The following VPS29 variants were observed in gnomAD, a reference collection of about 807,000 sequenced individuals.
VPS29 encodes the protein VPS29 retromer complex component.
In VPS29, 2 loss-of-function variants were observed where a neutral mutation model predicts 20.0. The ratio of observed to expected loss-of-function variants is 0.10; its 90% CI spans 0.04 to 0.31. The LOEUF is 0.31. Ranked by LOEUF, VPS29 falls within the 10% of genes least tolerant of loss-of-function variation. The pLI, the probability that VPS29 is intolerant of heterozygous loss-of-function variation, is 1.00. For synonymous variants in VPS29, 81 were observed against 79.3 expected (o/e 1.02, Z -0.12); for missense variants, 120 against 215.3 (o/e 0.56, Z 2.77).
At chr12:110,501,819 C>T (rs1386005836) in intron 1 of VPS29, 12 of 1,183,738 alleles carry the variant, frequency 1.0e-5, no homozygotes, top group Admixed American at 4.0e-5. Flanking sequence ...CCTTGGATGG[C>T]CTCTGGCCCC....
Position 110,497,285 on chromosome 12 carries a change from C to T in VPS29, c.4-1082G>A, listed in dbSNP as rs188221791. Among the ~76,000 whole-genome samples, 200 of 128,246 alleles carry T rather than the reference C, an allele frequency of 1.6e-3. 1 individual carries two copies. Among genetic ancestry groups the T allele is most frequent in the Middle Eastern group, 0.013 (2 of 160 alleles). 84.1% of individuals were successfully genotyped at this position (128,246 alleles called of 152,430 possible). On this transcript the variant is annotated intron_variant, in intron 1 of 3. Coordinates refer to ENST00000549578, the MANE Select transcript of VPS29 (RefSeq NM_016226.5). ...AGGCTGGAGTGCAGTGGTGCGATCTCGGCTCACTGCAACCTCCGCCTCCTG... is the reference window on the plus strand; with the variant it reads ...AGGCTGGAGTGCAGTGGTGCGATCTTGGCTCACTGCAACCTCCGCCTCCTG...
At chr12:110,495,802 A>G (rs1017383888) in intron 2 of VPS29, among the ~76,000 whole-genome samples, 4 of 152,150 alleles carry the variant, frequency 2.6e-5, no homozygotes, top group East Asian at 1.9e-4. Flanking sequence ...TTTAGTTAGA[A>G]TAAGTATTTA....
Position 110,496,974 on chromosome 12 carries a change from G to A in VPS29, c.4-771C>T, listed in dbSNP as rs1051499306. On this transcript the variant is annotated intron_variant, in intron 1 of 3. Transcript: ENST00000549578. The stretch of plus-strand genomic sequence containing the variant: ...ATATTTTTATGGTCTGGATTAAATT[G>A]CTCATATATCCTCGGTATAGTTCCC... The A allele has an allele frequency of 1.3e-5, 2 of 151,884 alleles. 1 individual carries two copies. Among genetic ancestry groups the A allele is most frequent in the African/African-American group, 4.8e-5 (2 of 41,422 alleles). 9.4% of individuals were successfully genotyped at this position (151,884 alleles called of 1,614,324 possible).
rs2062816519 is a variant in VPS29 at position 110,491,459 on chromosome 12, C to T, written c.*546G>A. On this transcript the variant is annotated 3_prime_UTR_variant, in exon 4 of 4. Transcript: ENST00000549578. ...TTTGAAGAATCACTGTTAATGTCGG[C>T]ATGGTATATTATTTAGCAAATAAAA... is the stretch of plus-strand genomic sequence containing the variant. 1 of 152,272 alleles carries T rather than the reference C, an allele frequency of 6.6e-6. No homozygotes were observed. The highest frequency in any genetic ancestry group is 1.5e-5 in the Non-Finnish European group (1 of 68,134). The allele number at this position is 152,272 out of a possible 1,614,324, so 9.4% of individuals were successfully genotyped here.
rs555096448 is a variant in VPS29 at position 110,495,482 on chromosome 12, G to A, written c.195+530C>T. On this transcript the variant is annotated intron_variant, in intron 2 of 3. Transcript: ENST00000549578. ...TCCCAGCACTTTAGGAGGCTGAGGC[G>A]GGAGGATCACCTGAGGTCACGAGTT... Among the ~76,000 whole-genome samples the A allele has an allele frequency of 2.0e-5, 3 of 152,230 alleles. No individual in the cohort carries two copies. The East Asian group carries it at 5.8e-4, about 29-fold the overall frequency.
intron 1 of VPS29, chr12:110,501,293 C>A: frequency 7.7e-7 from 1 of 1,305,380 alleles, no homozygotes; most frequent in South Asian, 1.4e-5. Context: ...GGGGTGATTG[C>A]TTGAAGGTGG....
At chr12:110,499,640 CA>C (rs376108608) in intron 1 of VPS29, 73,601 of 581,070 alleles carry the variant, frequency 0.13, 146 homozygotes, top group South Asian at 0.18. Context: ...AAAAAGAAAC[CA>C]AAAAAAAAAA....
chr12:110,501,540 G>A (rs2063044040), intron 1 of VPS29: 2 of 1,535,432 alleles, frequency 1.3e-6, no homozygotes, highest in Non-Finnish European at 1.7e-6. Context: ...GGAGCGAGGA[G>A]GGTGGTTTAT....
chr12:110,501,901 T>C, intron 1 of VPS29, 148 bp downstream of exon 1: 2 of 1,551,240 alleles, frequency 1.3e-6, no homozygotes, highest in Non-Finnish European at 1.7e-6. Flanking sequence ...CTAGACCTCT[T>C]CTGGGCCTTT....
intron 1 of VPS29, chr12:110,499,677 GA>G: frequency 1.5e-6 from 1 of 661,622 alleles, no homozygotes. Flanking sequence ...CATACCAAAT[GA>G]GCAAACAATT....
At chr12:110,493,964 C>T (rs1187874929) in intron 2 of VPS29, among the ~76,000 whole-genome samples, 1 of 152,070 alleles carries the variant, frequency 6.6e-6, no homozygotes, top group Non-Finnish European at 1.5e-5. Context: ...ATGAGCCAGG[C>T]ACTACTGTAG....
At chr12:110,492,604 TTTA>T (rs745938034) in intron 3 of VPS29, among the ~76,000 whole-genome samples, 300 of 28,142 alleles carry the variant, frequency 0.011, no homozygotes, top group African/African-American at 0.021. Context: ...TTTTATTTTA[TTTA>T]TTTATTTATT....
intron 2 of VPS29, 94 bp downstream of exon 2, chr12:110,495,918 T>A: frequency 1.7e-6 from 2 of 1,151,790 alleles, no homozygotes; most frequent in Non-Finnish European, 2.3e-6. Context: ...AAAAAAAACC[T>A]TACCAGTTGA....
At chr12:110,501,103 AC>A (rs1208061721) in intron 1 of VPS29, among the ~76,000 whole-genome samples, 1 of 151,532 alleles carries the variant, frequency 6.6e-6, no homozygotes, top group Non-Finnish European at 1.5e-5. Context: ...TGAGGCTTGA[AC>A]CCGGGCGGCA....
At chr12:110,499,564 G>A (rs1274961274) in intron 1 of VPS29, 1 of 1,592,892 alleles carries the variant, frequency 6.3e-7, no homozygotes, top group African/African-American at 1.4e-5. Flanking sequence ...GAATGAAGAA[G>A]TTGATTGCAG....
rs2062903580 is a variant in VPS29 at position 110,496,199 on chromosome 12, A to G, written c.8T>C (p.Val3Ala). 6.2e-7 allele frequency: 1 copy of G among 1,602,278 alleles called. No homozygotes were observed. The highest frequency in any genetic ancestry group is 1.3e-5 in the African/African-American group (1 of 74,714). Residue 3 changes from valine to alanine, a missense_variant, in exon 2 of 4, where the codon GTG becomes GCG. By Grantham distance (64) the Val-to-Ala change is moderately conservative. Coordinates refer to ENST00000549578, the MANE Select transcript of VPS29 (RefSeq NM_016226.5). The part of the protein sequence containing the change: ML[V>A]LVLGDLHIPH... Reference sequence around the variant, plus strand: ...GATGTGCAGATCTCCTAATACCAACACCAACTTTAAAGTGTCAAGGTGAGA... The same window carrying G: ...GATGTGCAGATCTCCTAATACCAACGCCAACTTTAAAGTGTCAAGGTGAGA...
Position 110,492,880 on chromosome 12 carries a change from G to T in VPS29, c.431+116C>A, listed in dbSNP as rs141732041. On this transcript the variant is annotated intron_variant, in intron 3 of 3. Transcript: ENST00000549578. The stretch of plus-strand genomic sequence containing the variant: ...CTCAAGCAACCTGCCCTGGTCTCCC[G>T]AAGTGCTGGTATTACAGGCATGAGC... The T allele has an allele frequency of 9.1e-3, 8,323 of 917,014 alleles. 50 individuals carry two copies. The highest frequency in any genetic ancestry group is 0.012 in the Non-Finnish European group (7,207 of 616,050). The allele number at this position is 917,014 out of a possible 1,614,324, so 56.8% of individuals were successfully genotyped here.
At chr12:110,497,770 GC>G in intron 1 of VPS29, among the ~76,000 whole-genome samples, 1 of 151,372 alleles carries the variant, frequency 6.6e-6, no homozygotes, top group South Asian at 2.1e-4. Context: ...GGTGGCAGGC[GC>G]CTGTAATCCC....
At chr12:110,496,314 A>G (rs1016895573) in intron 1 of VPS29, 111 bp from the exon 2 acceptor site, 45 of 932,164 alleles carry the variant, frequency 4.8e-5, no homozygotes, top group South Asian at 9.7e-5. Context: ...CGAATCCCAG[A>G]AATTATTCAT....
Sources: gnomAD v4.1 joint callset for allele counts (sites outside exome capture counted in the v4.1 genomes callset) on GRCh38, gnomAD v4.1.1 for gene constraint, MANE v1.5 for transcripts, NCBI Gene and HGNC (gene_info 2026-07-23, HGNC 2026-07-21) for gene names.